SGCD: variants seen among roughly 807,000 people sequenced by gnomAD.
SGCD encodes sarcoglycan delta.
Under a neutral mutation model 36.6 loss-of-function variants are expected in SGCD, and 18 were observed. That is an observed-to-expected ratio of 0.49 (90% CI 0.34 to 0.73). The LOEUF (loss-of-function observed/expected upper bound fraction) is 0.73. SGCD is among the 30% of genes least tolerant of loss of function. The pLI is 0.01. For missense variants in SGCD, 387 were observed against 346.7 expected (o/e 1.12, Z -0.92); for synonymous variants, 133 against 130.6 (o/e 1.02, Z -0.12).
At chr5:156,511,285 C>G (rs1756914120) in intron 4 of SGCD, among the ~76,000 whole-genome samples, 1 of 152,178 alleles carries the variant, frequency 6.6e-6, no homozygotes, top group Admixed American at 6.5e-5. Flanking sequence ...GTCATGTGAG[C>G]TCTACCTGAA....
chr5:156,113,624 A>G (rs1319099386), intron 1 of SGCD, among the ~76,000 whole-genome samples: 2 of 152,340 alleles, frequency 1.3e-5, no homozygotes, highest in South Asian at 2.1e-4. Flanking sequence ...AGCTAAACCT[A>G]CTTTTACCAT....
chr5:156,195,296 G>A (rs114276032), intron 3 of SGCD, among the ~76,000 whole-genome samples: 46 of 152,274 alleles, frequency 3.0e-4, no homozygotes, highest in African/African-American at 1.1e-3. Context: ...TCATTGTTTA[G>A]CTGGGTAAAC....
intron 3 of SGCD, among the ~76,000 whole-genome samples, chr5:156,504,029 C>T (rs1335587076): frequency 1.3e-5 from 2 of 151,680 alleles, no homozygotes; most frequent in Admixed American, 6.6e-5. Context: ...CATGGTGAAA[C>T]CCCATCACTA....
Position 156,581,445 on chromosome 5 carries a change from C to T in SGCD, c.295-7786C>T, listed in dbSNP as rs530187028. Among the ~76,000 whole-genome samples, 4 of 152,324 alleles carry T rather than the reference C, an allele frequency of 2.6e-5. No homozygotes were observed. The South Asian group carries it at 8.3e-4, about 32-fold the overall frequency. ...ACGCTGTGCTGGGAGAACCGCTGCT[C>T]TCTTCAGAGCTGTCAGACAGGGACG... On this transcript the variant is annotated intron_variant, in intron 4 of 8. Coordinates refer to ENST00000337851, the MANE Select transcript of SGCD (RefSeq NM_000337.6).
At chr5:156,156,121 CA>C (rs1762956576) in intron 3 of SGCD, among the ~76,000 whole-genome samples, 1 of 151,680 alleles carries the variant, frequency 6.6e-6, no homozygotes, top group Admixed American at 6.6e-5. Flanking sequence ...AAGTAAGAAT[CA>C]TAAGCCTCTC....
Position 156,766,839 on chromosome 5 carries a change from G to T in SGCD, c.*7449G>T, listed in dbSNP as rs1040700127. On this transcript the variant is annotated 3_prime_UTR_variant, in exon 9 of 9. Coordinates refer to ENST00000337851, the MANE Select transcript of SGCD (RefSeq NM_000337.6). ...CCTGCCTTCACCCAGAGCTTAGAGG[G>T]CCACAGCAGCAAAGAGGTTGGGGTC... is the stretch of plus-strand genomic sequence containing the variant. The T allele has an allele frequency of 2.0e-5, 3 of 151,948 alleles. No individual in the cohort carries two copies. Among genetic ancestry groups the T allele is most frequent in the Non-Finnish European group, 4.4e-5 (3 of 68,006 alleles). The allele number at this position is 151,948 out of a possible 1,614,324, so 9.4% of individuals were successfully genotyped here.
chr5:156,217,151 A>G (rs1423160106), intron 3 of SGCD, among the ~76,000 whole-genome samples: 1 of 152,212 alleles, frequency 6.6e-6, no homozygotes, highest in African/African-American at 2.4e-5. Flanking sequence ...GAGTTCTTAG[A>G]CCAAAAAGTA....
At chr5:156,255,830 A>AT (rs1195169712) in intron 3 of SGCD, among the ~76,000 whole-genome samples, 1 of 151,600 alleles carries the variant, frequency 6.6e-6, no homozygotes, top group African/African-American at 2.4e-5. Context: ...TTTATGTAGT[A>AT]TTTTTTTCTA....
intron 4 of SGCD, among the ~76,000 whole-genome samples, chr5:156,517,427 C>A (rs1169588368): frequency 6.6e-6 from 1 of 152,132 alleles, no homozygotes; most frequent in Non-Finnish European, 1.5e-5. Flanking sequence ...TTCAGAATAT[C>A]ATCCAGGAGA....
intron 3 of SGCD, among the ~76,000 whole-genome samples, chr5:156,453,749 A>G (rs1276524129): frequency 6.6e-6 from 1 of 152,152 alleles, no homozygotes; most frequent in Non-Finnish European, 1.5e-5. Flanking sequence ...AAACAAACAA[A>G]CAAACAAAAA....
At chr5:156,017,118 C>G (rs557284511) in intron 1 of SGCD, among the ~76,000 whole-genome samples, 23 of 152,248 alleles carry the variant, frequency 1.5e-4, no homozygotes, top group Admixed American at 4.6e-4. Context: ...TTGCATTTCT[C>G]TTAATGTAAG....
chr5:156,415,967 CA>C (rs1228638530), intron 3 of SGCD, among the ~76,000 whole-genome samples: 1 of 152,164 alleles, frequency 6.6e-6, no homozygotes, highest in Non-Finnish European at 1.5e-5. Flanking sequence ...AGTGGTTCAT[CA>C]AATTGCTGAA....
intron 1 of SGCD, among the ~76,000 whole-genome samples, chr5:156,077,988 T>G (rs1760835540): frequency 6.6e-6 from 1 of 152,162 alleles, no homozygotes. Context: ...TAACTTTACT[T>G]TCTTATGTTA....
intron 3 of SGCD, among the ~76,000 whole-genome samples, chr5:156,505,380 T>C (rs1337191132): frequency 1.3e-5 from 2 of 152,240 alleles, no homozygotes. Flanking sequence ...GAAGTGCATT[T>C]ATGAAGACAG....
chr5:156,137,979 A>G (rs1561535312), intron 3 of SGCD, among the ~76,000 whole-genome samples: 1 of 152,208 alleles, frequency 6.6e-6, no homozygotes, highest in Non-Finnish European at 1.5e-5. Flanking sequence ...CTGAATTTTG[A>G]CAAAGGTATA....
At chr5:155,791,788 G>C in the SGCD span, among the ~76,000 whole-genome samples, 3 of 152,104 alleles carry the variant, frequency 2.0e-5, 1 homozygote, top group Admixed American at 2.0e-4. Context: ...AATATTCCAT[G>C]CTCATGAATT....
chr5:155,955,494 A>G (rs762856671), intron 1 of SGCD, among the ~76,000 whole-genome samples: 2 of 152,148 alleles, frequency 1.3e-5, no homozygotes, highest in Non-Finnish European at 2.9e-5. Context: ...AATGTTATCT[A>G]TGCAAACACT....
intron 7 of SGCD, among the ~76,000 whole-genome samples, chr5:156,726,488 C>T (rs1755778685): frequency 1.3e-5 from 2 of 152,194 alleles, no homozygotes; most frequent in Non-Finnish European, 2.9e-5. Context: ...CACAGTTTTA[C>T]CATGCCTACC....
chr5:156,636,283 C>T (rs1762826458), intron 6 of SGCD, among the ~76,000 whole-genome samples: 2 of 152,288 alleles, frequency 1.3e-5, no homozygotes, highest in Admixed American at 1.3e-4. Context: ...ATAGCTGATA[C>T]TAACAGCTCA....
Sources: allele counts gnomAD v4.1 joint callset (sites outside exome capture counted in the v4.1 genomes callset), GRCh38; gene constraint gnomAD v4.1.1; transcripts MANE v1.5; gene names NCBI Gene and HGNC (gene_info 2026-07-23, HGNC 2026-07-21).